The following LAMA2 variants were observed in gnomAD, a reference collection of about 807,000 sequenced individuals.
LAMA2 encodes laminin subunit alpha 2, also known as laminin subunit alpha-2.
Under a neutral mutation model 364.8 loss-of-function variants are expected in LAMA2, and 269 were observed. The ratio of observed to expected loss-of-function variants is 0.74; its 90% CI spans 0.67 to 0.82. The LOEUF (loss-of-function observed/expected upper bound fraction) is 0.82, where lower values mean the gene tolerates loss of function less well. Among genes scored for constraint, LAMA2 ranks in the 40% least tolerant of loss-of-function variants. LAMA2 has a pLI of 0.00. For synonymous variants in LAMA2, 1,379 were observed against 1,370.6 expected (o/e 1.01, Z -0.14); for missense variants, 3,807 against 3,873.2 (o/e 0.98, Z 0.45).
At chr6:129,509,990 T>C (rs1786439409) in intron 62 of LAMA2, among the ~76,000 whole-genome samples, 1 of 152,122 alleles carries the variant, frequency 6.6e-6, no homozygotes, top group Admixed American at 6.6e-5. Flanking sequence ...AATATCTTAT[T>C]TTTGTGCCCT....
chr6:129,210,610 AAT>A (rs1171525364), intron 12 of LAMA2, among the ~76,000 whole-genome samples: 4 of 152,300 alleles, frequency 2.6e-5, no homozygotes, highest in African/African-American at 9.6e-5. Context: ...GCTCTTTCTG[AAT>A]ATGTGTTAAC....
chr6:129,024,007 A>T (rs549115818), intron 1 of LAMA2, among the ~76,000 whole-genome samples: 2 of 152,310 alleles, frequency 1.3e-5, no homozygotes, highest in Admixed American at 1.3e-4. Context: ...GCTAGATGAT[A>T]ATGACCAAAT....
intron 8 of LAMA2, among the ~76,000 whole-genome samples, chr6:129,162,464 T>C (rs1038347361): frequency 1.3e-5 from 2 of 152,218 alleles, no homozygotes; most frequent in Admixed American, 6.5e-5. Flanking sequence ...TTAACATTTT[T>C]TTTTTGGTAG....
chr6:128,962,185 T>TATACACACACACAC (rs1214826895), intron 1 of LAMA2, among the ~76,000 whole-genome samples: 4 of 103,916 alleles, frequency 3.8e-5, no homozygotes, highest in African/African-American at 1.5e-4. Context: ...TATATATATA[T>TATACACACACACAC]ACACACATAC....
intron 41 of LAMA2, among the ~76,000 whole-genome samples, chr6:129,428,495 A>G (rs1781434923): frequency 6.6e-6 from 1 of 152,182 alleles, no homozygotes; most frequent in Non-Finnish European, 1.5e-5. Flanking sequence ...CGCTCTGTCA[A>G]CCAGGCTGGA....
chr6:129,139,613 C>T (rs1158964329), intron 4 of LAMA2, among the ~76,000 whole-genome samples: 4 of 152,078 alleles, frequency 2.6e-5, no homozygotes, highest in Non-Finnish European at 5.9e-5. Flanking sequence ...TCCCCTGAAA[C>T]TATAACTGAT....
At position 129,224,820 on chromosome 6, in the gene LAMA2, T is replaced by A. The variant is rs541868642; in HGVS notation, c.1783-25292T>A. Among the ~76,000 whole-genome samples, 7 of 152,330 alleles carry A rather than the reference T, an allele frequency of 4.6e-5. No homozygotes were observed. The East Asian group carries it at 1.3e-3, about 29-fold the overall frequency. Reference sequence around the variant, plus strand: ...CTTTTTTGTTGTGTCTCTGCCAGGCTTTTGTATCAGGAGGATGCTGGCCTC... The same window carrying A: ...CTTTTTTGTTGTGTCTCTGCCAGGCATTTGTATCAGGAGGATGCTGGCCTC... On this transcript the variant is annotated intron_variant, in intron 12 of 64. Coordinates refer to ENST00000421865, the MANE Select transcript of LAMA2 (RefSeq NM_000426.4).
At position 129,516,566 on chromosome 6, in the gene LAMA2, A is replaced by G. The variant is rs113910634; in HGVS notation, c.*219A>G. Reference sequence around the variant, plus strand: ...TATTAAACTGATTATTTCATTCTAAATAATTGCCTGTTTTGTGTGATTTTA... The same window carrying G: ...TATTAAACTGATTATTTCATTCTAAGTAATTGCCTGTTTTGTGTGATTTTA... On this transcript the variant is annotated 3_prime_UTR_variant, in exon 65 of 65. Coordinates refer to ENST00000421865, the MANE Select transcript of LAMA2 (RefSeq NM_000426.4). 27 of 561,622 alleles carry G rather than the reference A, an allele frequency of 4.8e-5. No individual in the cohort carries two copies. The highest frequency in any genetic ancestry group is 4.0e-4 in the African/African-American group (21 of 53,052). 34.8% of individuals were successfully genotyped at this position (561,622 alleles called of 1,614,324 possible). A position where few individuals can be genotyped will look rare whatever the true frequency, so the allele number is the denominator to read the frequency against.
chr6:129,304,457 G>A (rs1186973883), intron 22 of LAMA2, among the ~76,000 whole-genome samples: 1 of 152,070 alleles, frequency 6.6e-6, no homozygotes, highest in African/African-American at 2.4e-5. Context: ...TAGAGACGGG[G>A]TTTCACCGCG....
chr6:129,416,868 C>A (rs561421989), intron 40 of LAMA2, among the ~76,000 whole-genome samples: 1 of 152,286 alleles, frequency 6.6e-6, no homozygotes, highest in East Asian at 1.9e-4. Context: ...GTGCCAGCTG[C>A]AGTGGGCTGG....
At chr6:129,402,552 T>A (rs1386020413) in intron 39 of LAMA2, 65 bp downstream of exon 39, 2 of 1,449,766 alleles carry the variant, frequency 1.4e-6, no homozygotes, top group Non-Finnish European at 1.9e-6. Context: ...TTGACTAGCA[T>A]AAATAGTAGA....
intron 32 of LAMA2, among the ~76,000 whole-genome samples, chr6:129,362,367 C>A (rs1777515008): frequency 6.6e-6 from 1 of 152,082 alleles, no homozygotes; most frequent in African/African-American, 2.4e-5. Flanking sequence ...CTATCTTGTT[C>A]TCACATTCAG....
At chr6:129,165,502 TA>T in intron 8 of LAMA2, 73 bp from the exon 9 acceptor site, 1 of 928,288 alleles carries the variant, frequency 1.1e-6, no homozygotes, top group African/African-American at 1.6e-5. Flanking sequence ...ACTTTGTCTA[TA>T]AAAGTTTGCT....
chr6:129,050,493 A>G (rs1787923169), intron 2 of LAMA2, among the ~76,000 whole-genome samples: 2 of 152,160 alleles, frequency 1.3e-5, no homozygotes, highest in African/African-American at 4.8e-5. Flanking sequence ...TGGTAAGTAC[A>G]AAGGAAAGAA....
rs369125303 is a variant in LAMA2, at chr6:129,394,676, CCTGT to C, written c.5445+1424_5445+1427del. Reference sequence around the variant, plus strand: ...GCCGTGTGACTTACCCGAAGGTGCACCTGTCTATTTTATGGCAACCGTTTGATAA... The same window carrying C: ...GCCGTGTGACTTACCCGAAGGTGCACCTATTTTATGGCAACCGTTTGATAA... On this transcript the variant is annotated intron_variant, in intron 37 of 64. Coordinates refer to ENST00000421865, the MANE Select transcript of LAMA2 (RefSeq NM_000426.4). Among the ~76,000 whole-genome samples the C allele has an allele frequency of 4.7e-3, 719 of 152,322 alleles. 6 individuals carry two copies. The highest frequency in any genetic ancestry group is 0.016 in the African/African-American group (680 of 41,558).
chr6:129,113,231 C>A (rs371306445), intron 4 of LAMA2, among the ~76,000 whole-genome samples: 19 of 151,888 alleles, frequency 1.3e-4, no homozygotes, highest in East Asian at 7.7e-4. Flanking sequence ...GTGTGTTAGC[C>A]CCTCATTTTC....
At chr6:129,398,166 C>A (rs1379806580) in intron 37 of LAMA2, among the ~76,000 whole-genome samples, 4 of 152,122 alleles carry the variant, frequency 2.6e-5, no homozygotes, top group African/African-American at 2.4e-5. Flanking sequence ...TTCAAACAAG[C>A]CATGTTGTAA....
At chr6:129,070,332 A>G (rs908219324) in intron 3 of LAMA2, among the ~76,000 whole-genome samples, 2 of 152,284 alleles carry the variant, frequency 1.3e-5, no homozygotes, top group Middle Eastern at 3.4e-3. Context: ...TAAATGGGCT[A>G]AGTTGTAATG....
At chr6:129,130,378 C>T (rs763286705) in intron 4 of LAMA2, among the ~76,000 whole-genome samples, 1 of 152,180 alleles carries the variant, frequency 6.6e-6, no homozygotes, top group Non-Finnish European at 1.5e-5. Context: ...TCCACATAAG[C>T]AATAGAGCTG....
Sources: gnomAD v4.1 joint callset for allele counts (sites outside exome capture counted in the v4.1 genomes callset) on GRCh38, gnomAD v4.1.1 for gene constraint, MANE v1.5 for transcripts, NCBI Gene and HGNC (gene_info 2026-07-23, HGNC 2026-07-21) for gene names.